The following RBFOX1 variants were observed in gnomAD, a reference collection of about 807,000 sequenced individuals.
RBFOX1 encodes RNA binding fox-1 homolog 1.
A neutral mutation model predicts 57.7 loss-of-function variants in RBFOX1; 8 were observed. The observed-to-expected ratio is 0.14, with a 90% confidence interval of 0.08 to 0.25. The LOEUF (loss-of-function observed/expected upper bound fraction) is 0.25. Among genes scored for constraint, RBFOX1 ranks in the 10% least tolerant of loss-of-function variants. The pLI, the probability that RBFOX1 is intolerant of heterozygous loss-of-function variation, is 1.00. For missense variants in RBFOX1, 611 were observed against 548.5 expected (o/e 1.11, Z -1.14); for synonymous variants, 326 against 222.4 (o/e 1.47, Z -4.15).
At chr16:6,770,701 C>T (rs1417117133) in intron 3 of RBFOX1, among the ~76,000 whole-genome samples, 1 of 152,096 alleles carries the variant, frequency 6.6e-6, no homozygotes, top group Non-Finnish European at 1.5e-5. Flanking sequence ...GCCTGGGAGG[C>T]AGATGCAGAT....
In RBFOX1 at chr16:5,950,235, C is replaced by T. The variant is rs546521379; in HGVS notation, c.351+82900C>T. Among the ~76,000 whole-genome samples, 4 of 152,208 alleles carry T rather than the reference C, an allele frequency of 2.6e-5. No individual in the cohort carries two copies. In the South Asian group the frequency reaches 8.3e-4, roughly 31 times the overall value. On this transcript the variant is annotated intron_variant, in intron 4 of 19. Coordinates refer to the RBFOX1 transcript ENST00000641259. Reference sequence around the variant, plus strand: ...CTTTCAAGGCAGACAGCAGAACATTCACTAAGCATAAAGCTTTTCTGCCTG... The same window carrying T: ...CTTTCAAGGCAGACAGCAGAACATTTACTAAGCATAAAGCTTTTCTGCCTG...
chr16:7,462,980 G>A (rs894294664), intron 4 of RBFOX1, among the ~76,000 whole-genome samples: 1 of 152,128 alleles, frequency 6.6e-6, no homozygotes, highest in Admixed American at 6.5e-5. Context: ...AATTACATCT[G>A]CAAAGTCCTT....
At chr16:6,866,540 T>TA (rs1411143419) in intron 3 of RBFOX1, among the ~76,000 whole-genome samples, 1 of 96,554 alleles carries the variant, frequency 1.0e-5, no homozygotes, top group African/African-American at 5.1e-5. Flanking sequence ...TCTTTCCTTC[T>TA]ATTTTTTTTT....
intron 3 of RBFOX1, among the ~76,000 whole-genome samples, chr16:5,840,242 C>T (rs1471944450): frequency 6.6e-6 from 1 of 152,212 alleles, no homozygotes; most frequent in Non-Finnish European, 1.5e-5. Flanking sequence ...TCAGCCTTAT[C>T]TTGCTTCCCC....
Position 5,468,023 on chromosome 16 carries a change from G to A in RBFOX1, c.258+769G>A, listed in dbSNP as rs753155945. The stretch of plus-strand genomic sequence containing the variant: ...GGCAAAGGAGGCTTTGTGGGGAGGC[G>A]GAATCTATGCTTGCTGTCATTTAAG... On this transcript the variant is annotated intron_variant, in intron 2 of 2. Transcript: ENST00000585867. 7.9e-5 allele frequency among the ~76,000 whole-genome samples: 12 copies of A among 152,218 alleles called. No homozygotes were observed. The South Asian group carries it at 1.9e-3, about 24-fold the overall frequency.
At chr16:6,885,053 T>C (rs1212053606) in intron 3 of RBFOX1, among the ~76,000 whole-genome samples, 2 of 152,252 alleles carry the variant, frequency 1.3e-5, no homozygotes, top group African/African-American at 4.8e-5. Flanking sequence ...GTTTATTTAA[T>C]ATGAAATCTC....
chr16:5,518,802 G>T (rs1185145659), intron 2 of RBFOX1, among the ~76,000 whole-genome samples: 1 of 152,198 alleles, frequency 6.6e-6, no homozygotes, highest in African/African-American at 2.4e-5. Flanking sequence ...ATGTGAAAAT[G>T]CTTTCAAAAT....
chr16:5,438,718 A>G (rs903647340), intron 1 of RBFOX1, among the ~76,000 whole-genome samples: 12 of 152,046 alleles, frequency 7.9e-5, no homozygotes, highest in African/African-American at 2.9e-4. Context: ...TCCTCCCTGA[A>G]TGTCATGCAG....
chr16:6,994,561 C>A (rs1474558760), intron 3 of RBFOX1, among the ~76,000 whole-genome samples: 1 of 152,158 alleles, frequency 6.6e-6, no homozygotes, highest in South Asian at 2.1e-4. Context: ...CAAAACCTAG[C>A]TAAAATTTCA....
chr16:7,413,970 G>T (rs1044530706), intron 4 of RBFOX1, among the ~76,000 whole-genome samples: 1 of 152,170 alleles, frequency 6.6e-6, no homozygotes, highest in Admixed American at 6.5e-5. Flanking sequence ...CCAAGGAGAT[G>T]GTTCTCAGAT....
intron 2 of RBFOX1, among the ~76,000 whole-genome samples, chr16:6,406,131 G>A (rs2093272651): frequency 1.3e-5 from 2 of 152,216 alleles, no homozygotes; most frequent in Non-Finnish European, 2.9e-5. Flanking sequence ...TAAGGCTAAA[G>A]ACCATGTGTT....
chr16:5,352,509 A>C (rs965178029), intron 1 of RBFOX1, among the ~76,000 whole-genome samples: 11 of 152,304 alleles, frequency 7.2e-5, no homozygotes, highest in African/African-American at 2.6e-4. Context: ...ACACAGGCTC[A>C]CATTTTATTG....
chr16:6,764,883 G>A lies in RBFOX1; in HGVS notation c.-16+110233G>A, dbSNP rs561581143. Among the ~76,000 whole-genome samples the A allele has an allele frequency of 3.3e-5, 5 of 152,268 alleles. No homozygotes were observed. In the South Asian group the frequency reaches 1.0e-3, roughly 32 times the overall value. Reference sequence around the variant, plus strand: ...ACCCAGAAGGTGAAGGTTGCAGTGAGCCGAGATTGTGCCACTGCACTCCAA... The same window carrying A: ...ACCCAGAAGGTGAAGGTTGCAGTGAACCGAGATTGTGCCACTGCACTCCAA... On this transcript the variant is annotated intron_variant, in intron 3 of 15. Coordinates refer to ENST00000550418, the MANE Select transcript of RBFOX1 (RefSeq NM_018723.4).
chr16:6,900,831 T>C (rs1454671504), intron 3 of RBFOX1, among the ~76,000 whole-genome samples: 1 of 152,164 alleles, frequency 6.6e-6, no homozygotes, highest in African/African-American at 2.4e-5. Flanking sequence ...CATGTTATGG[T>C]TGTTGAGTGT....
At chr16:6,653,486 T>G (rs759036694) in intron 2 of RBFOX1, among the ~76,000 whole-genome samples, 1 of 152,190 alleles carries the variant, frequency 6.6e-6, no homozygotes, top group Non-Finnish European at 1.5e-5. Context: ...GTCTGTCATT[T>G]TGTCTAATTA....
At chr16:6,653,457 C>G (rs541535491) in intron 2 of RBFOX1, among the ~76,000 whole-genome samples, 4 of 152,242 alleles carry the variant, frequency 2.6e-5, no homozygotes, top group East Asian at 1.9e-4. Flanking sequence ...GTTAATGCCA[C>G]TATTGCTTGT....
At chr16:6,477,026 T>C (rs2095284132) in intron 2 of RBFOX1, among the ~76,000 whole-genome samples, 2 of 152,224 alleles carry the variant, frequency 1.3e-5, no homozygotes, top group African/African-American at 2.4e-5. Context: ...TGCAGCAATG[T>C]AGTTGCCTCT....
chr16:6,867,772 C>G lies in RBFOX1; in HGVS notation c.-15-184285C>G, dbSNP rs114090707. Reference sequence around the variant, plus strand: ...TTAATGTGTGAATTACCCATGGCATCATTACCTTTAGGTTTGCTCAGAACA... The same window carrying G: ...TTAATGTGTGAATTACCCATGGCATGATTACCTTTAGGTTTGCTCAGAACA... On this transcript the variant is annotated intron_variant, in intron 3 of 15. Coordinates refer to ENST00000550418, the MANE Select transcript of RBFOX1 (RefSeq NM_018723.4). Among the ~76,000 whole-genome samples the G allele has an allele frequency of 6.2e-3, 938 of 152,320 alleles. 14 individuals are homozygous for G. The highest frequency in any genetic ancestry group is 0.021 in the African/African-American group (889 of 41,576).
chr16:7,000,586 C>CTTT (rs149516490), intron 3 of RBFOX1, among the ~76,000 whole-genome samples: 2 of 95,844 alleles, frequency 2.1e-5, no homozygotes, highest in African/African-American at 6.8e-5. Context: ...TTTTTTCTTT[C>CTTT]TTTTTCTTTC....
Sources: gnomAD v4.1 joint callset for allele counts (sites outside exome capture counted in the v4.1 genomes callset) on GRCh38, gnomAD v4.1.1 for gene constraint, MANE v1.5 for transcripts, NCBI Gene and HGNC (gene_info 2026-07-23, HGNC 2026-07-21) for gene names.